Variants in USP28 observed in about 807,000 individuals in gnomAD.
USP28 encodes the protein ubiquitin carboxyl-terminal hydrolase 28.
In USP28, 113 loss-of-function variants were observed where a neutral mutation model predicts 145.0. That is an observed-to-expected ratio of 0.78 (90% confidence interval 0.67 to 0.91). The LOEUF (loss-of-function observed/expected upper bound fraction) is 0.91, where lower values mean the gene tolerates loss of function less well. USP28 is among the 40% of genes least tolerant of loss of function. The pLI is 0.00. For missense variants in USP28, 1,201 were observed against 1,289.6 expected, an observed-to-expected ratio of 0.93 and a Z score of 1.05; for synonymous variants, 447 against 450.9, an observed-to-expected ratio of 0.99 and a Z score of 0.11.
intron 1 of USP28, among the ~76,000 whole-genome samples, chr11:113,870,662 C>T (rs930462515): frequency 6.6e-6 from 1 of 152,228 alleles, no homozygotes; most frequent in African/African-American, 2.4e-5. Context: ...CAGACTGGTC[C>T]ACACGGCCAT....
At chr11:113,808,694 T>C (rs556224220) in intron 17 of USP28, among the ~76,000 whole-genome samples, 1 of 152,332 alleles carries the variant, frequency 6.6e-6, no homozygotes, top group East Asian at 1.9e-4. Flanking sequence ...AACTTTGTCA[T>C]ATTTCTATCC....
At chr11:113,808,474 GATAA>G (rs1940415228) in intron 17 of USP28, 37 bp from the exon 18 acceptor site, 7 of 1,608,074 alleles carry the variant, frequency 4.4e-6, no homozygotes, top group Non-Finnish European at 5.9e-6. Flanking sequence ...AGCATCTAAT[GATAA>G]ATAGTCTAGA....
chr11:113,817,597 C>A, intron 13 of USP28, 61 bp downstream of exon 13: 1 of 1,552,124 alleles, frequency 6.4e-7, no homozygotes. Flanking sequence ...AAAGATGGTG[C>A]ATAGTTTAAA....
exon 25 of USP28, chr11:113,798,789 T>C (rs912915385): frequency 7.9e-5 from 12 of 152,616 alleles, no homozygotes; most frequent in Admixed American, 7.8e-4. Flanking sequence ...GCAAGGTTTA[T>C]ATTTCTAATC....
intron 3 of USP28, among the ~76,000 whole-genome samples, chr11:113,847,935 C>A (rs953676195): frequency 6.6e-6 from 1 of 152,084 alleles, no homozygotes; most frequent in African/African-American, 2.4e-5. Context: ...GTTCTGGAAG[C>A]CTTATTAGAT....
intron 5 of USP28, chr11:113,835,219 A>AC (rs1398146370): frequency 1.8e-5 from 8 of 446,932 alleles, no homozygotes; most frequent in Non-Finnish European, 1.8e-5. Flanking sequence ...TTCATAAGTT[A>AC]ATTTTCTTTA....
intron 18 of USP28, chr11:113,808,106 G>A: frequency 1.3e-6 from 2 of 1,484,942 alleles, no homozygotes. Flanking sequence ...GTTTCCTGGG[G>A]CATGGGCTTC....
chr11:113,827,156 C>T (rs374514693), intron 11 of USP28, 77 bp downstream of exon 11: 53 of 1,499,152 alleles, frequency 3.5e-5, no homozygotes, highest in East Asian at 3.3e-4. Context: ...GTGATTCCTA[C>T]GCACACTATA....
chr11:113,802,882 A>AT (rs1396831635), intron 23 of USP28, among the ~76,000 whole-genome samples: 1 of 152,222 alleles, frequency 6.6e-6, no homozygotes, highest in African/African-American at 2.4e-5. Context: ...TAGGAAAGCA[A>AT]TGTGATAAAA....
chr11:113,835,454 C>T (rs1163980373), intron 5 of USP28: 7 of 414,572 alleles, frequency 1.7e-5, no homozygotes, highest in Admixed American at 1.4e-4. Flanking sequence ...GACTAGAGCC[C>T]ACGTGCACCT....
intron 11 of USP28, among the ~76,000 whole-genome samples, chr11:113,826,709 C>G (rs1175360242): frequency 6.6e-6 from 1 of 151,842 alleles, no homozygotes; most frequent in Non-Finnish European, 1.5e-5. Context: ...CACCTGAGGT[C>G]GGGAGTTCGC....
intron 1 of USP28, among the ~76,000 whole-genome samples, chr11:113,871,157 C>T (rs1362388580): frequency 6.6e-6 from 1 of 152,162 alleles, no homozygotes; most frequent in Admixed American, 6.5e-5. Flanking sequence ...GTTATCAACA[C>T]GAGGTCATTG....
At chr11:113,875,237 C>T (rs964344009) in intron 1 of USP28, among the ~76,000 whole-genome samples, 14 of 152,128 alleles carry the variant, frequency 9.2e-5, no homozygotes, top group Middle Eastern at 3.2e-3. Flanking sequence ...TTCAGCTCGC[C>T]CACGGACGCG....
chr11:113,809,232 A>C (rs776586889), exon 17 of USP28: 5 of 1,613,946 alleles, frequency 3.1e-6, no homozygotes, highest in African/African-American at 1.3e-5. Flanking sequence ...CTGACATTTG[A>C]TCTGATTCAG....
chr11:113,866,081 G>A (rs767640689), intron 1 of USP28, among the ~76,000 whole-genome samples: 2 of 152,206 alleles, frequency 1.3e-5, no homozygotes, highest in Non-Finnish European at 2.9e-5. Context: ...ATCACCTAAG[G>A]TCAGGAGTTC....
At chr11:113,842,444 G>C (rs1374425249) in intron 3 of USP28, among the ~76,000 whole-genome samples, 1 of 152,010 alleles carries the variant, frequency 6.6e-6, no homozygotes. Flanking sequence ...AATTTGCCGG[G>C]CGTGGTGGCG....
At chr11:113,875,106 T>C (rs1174888512) in intron 1 of USP28, among the ~76,000 whole-genome samples, 1 of 152,214 alleles carries the variant, frequency 6.6e-6, no homozygotes, top group Non-Finnish European at 1.5e-5. Context: ...GCTGCCGCTT[T>C]CGGAAGTTTC....
At chr11:113,845,278 A>G (rs931723170) in intron 3 of USP28, among the ~76,000 whole-genome samples, 14 of 151,976 alleles carry the variant, frequency 9.2e-5, no homozygotes, top group African/African-American at 3.4e-4. Context: ...GTCTCTACTA[A>G]AAATACAAAA....
chr11:113,801,491 T>A (rs778784065), exon 24 of USP28: 21 of 1,579,038 alleles, frequency 1.3e-5, no homozygotes, highest in African/African-American at 4.0e-5. Context: ...ACCTGCAATA[T>A]CTTGCCCAAG....
Sources: gnomAD v4.1 joint callset for allele counts (sites outside exome capture counted in the v4.1 genomes callset) on GRCh38, gnomAD v4.1.1 for gene constraint, MANE v1.5 for transcripts, NCBI Gene and HGNC (gene_info 2026-07-23, HGNC 2026-07-21) for gene names.